Variants in EXOC3L2 observed in about 807,000 individuals in gnomAD.
EXOC3L2 encodes exocyst complex component 3 like 2.
EXOC3L2 carries 17 observed loss-of-function variants against 44.4 expected under a neutral mutation model. The ratio of observed to expected loss-of-function variants is 0.38; its 90% CI spans 0.26 to 0.57. EXOC3L2 has a LOEUF of 0.57. Among genes scored for constraint, EXOC3L2 ranks in the 20% least tolerant of loss-of-function variants. EXOC3L2 has a pLI of 0.65. For missense variants in EXOC3L2, 541 were observed against 588.4 expected, an observed-to-expected ratio of 0.92 and a Z score of 0.83; for synonymous variants, 256 against 253.7, an observed-to-expected ratio of 1.01 and a Z score of -0.09.
intron 7 of EXOC3L2, among the ~76,000 whole-genome samples, chr19:45,225,154 G>C (rs541384343): frequency 6.7e-6 from 1 of 149,914 alleles, no homozygotes; most frequent in Non-Finnish European, 1.5e-5. Context: ...GGGATGGCTA[G>C]GAGGTCTAGG....
intron 11 of EXOC3L2, among the ~76,000 whole-genome samples, chr19:45,214,340 G>GC (rs1969811006): frequency 6.6e-6 from 1 of 152,142 alleles, no homozygotes; most frequent in Admixed American, 6.6e-5. Flanking sequence ...GAATGTGTCT[G>GC]CCCAAATAGC....
chr19:45,220,095 C>T (rs569127127), intron 8 of EXOC3L2, among the ~76,000 whole-genome samples: 2 of 152,202 alleles, frequency 1.3e-5, no homozygotes, highest in Non-Finnish European at 2.9e-5. Flanking sequence ...ATCTCTTGAA[C>T]CTGGGAGGCG....
intron 1 of EXOC3L2, among the ~76,000 whole-genome samples, chr19:45,241,636 GCCT>G (rs1970132992): frequency 6.6e-6 from 1 of 152,238 alleles, no homozygotes; most frequent in African/African-American, 2.4e-5. Context: ...CTGTCCCGTA[GCCT>G]CCTCCTTACC....
rs933190598 is a variant in EXOC3L2 at position 45,224,870 on chromosome 19, C to T, written c.1627G>A (p.Glu543Lys). 4 of 1,575,462 alleles carry T rather than the reference C, an allele frequency of 2.5e-6. No homozygotes were observed. The highest frequency in any genetic ancestry group is 2.3e-5 in the East Asian group (1 of 43,514). Residue 543 changes from glutamate to lysine, a missense_variant, in exon 8 of 12, where the codon GAG becomes AAG. Physicochemically the swap from Glu to Lys is moderately conservative, Grantham distance 56. Transcript: ENST00000413988. ...RLARVGPPES[E>K]PAREASASAL... ...CTAGCAGATGCTTCCCGGGCCGGCT[C>T]GCTTTCTGGGGGCCCCACCCGGGCC...
intron 10 of EXOC3L2, 143 bp downstream of exon 10, chr19:45,217,385 C>T: frequency 9.6e-7 from 1 of 1,039,138 alleles, no homozygotes; most frequent in Non-Finnish European, 1.3e-6. Context: ...GTCAAAGTTA[C>T]TGGTTGCTAT....
chr19:45,224,807 C>A lies in EXOC3L2; in HGVS notation c.1690G>T (p.Val564Leu). The stretch of plus-strand genomic sequence containing the variant: ...AGCTCCTGGAACAGCAGGTTGGCCA[C>A]GACACGGTGGCAGAGCCGGGTCACA... ...DHVTRLCHRV[V>L]ANLLFQELQP... Residue 564 changes from valine to leucine, a missense_variant, in exon 8 of 12, where the codon GTG becomes TTG. Transcript: ENST00000413988. The A allele has an allele frequency of 6.4e-7, 1 of 1,567,882 alleles. No individual in the cohort carries two copies. Among genetic ancestry groups the A allele is most frequent in the Non-Finnish European group, 8.6e-7 (1 of 1,156,232 alleles).
At chr19:45,227,276 C>T (rs1371050608) in intron 7 of EXOC3L2, among the ~76,000 whole-genome samples, 2 of 144,302 alleles carry the variant, frequency 1.4e-5, no homozygotes, top group African/African-American at 2.9e-5. Flanking sequence ...CGCCACCATG[C>T]CCGGCTAATT....
rs747209872 is a variant in EXOC3L2 at position 45,228,210 on chromosome 19, C to G, written c.1326G>C (p.Gly442=). ...GGCTGCTGGGCTGGTCCTCCAGGCT[C>G]CCCCAGTGCTCTTCGTCCTCCTGCA... ...RVLQEDEEHW[G]SLEDQPSSLA... Residue 442 remains glycine (G), a synonymous_variant, in exon 5 of 12, where the codon GGG becomes GGC. Coordinates refer to ENST00000413988, the MANE Select transcript of EXOC3L2 (RefSeq NM_001382422.1). 2 of 1,614,132 alleles carry G rather than the reference C, an allele frequency of 1.2e-6. No homozygotes were observed. Among genetic ancestry groups the G allele is most frequent in the Non-Finnish European group, 1.7e-6 (2 of 1,180,024 alleles).
At chr19:45,239,686 A>T (rs1368664402) in intron 1 of EXOC3L2, among the ~76,000 whole-genome samples, 1 of 151,620 alleles carries the variant, frequency 6.6e-6, no homozygotes, top group Non-Finnish European at 1.5e-5. Flanking sequence ...ACACAAGGCT[A>T]AGTTTTATAT....
intron 8 of EXOC3L2, among the ~76,000 whole-genome samples, chr19:45,221,747 A>C (rs1421713606): frequency 2.7e-5 from 4 of 150,094 alleles, no homozygotes; most frequent in Non-Finnish European, 5.9e-5. Flanking sequence ...TCCTGGGATC[A>C]AGCGATCCTC....
At chr19:45,217,775 C>G (rs993890503) in intron 9 of EXOC3L2, 92 bp from the exon 10 acceptor site, 1 of 1,350,570 alleles carries the variant, frequency 7.4e-7, no homozygotes, top group East Asian at 2.9e-5. Context: ...CCCCACTCGC[C>G]CACATCCACT....
chr19:45,234,942 G>A lies in EXOC3L2; in HGVS notation c.524-116C>T. 2.6e-6 allele frequency: 1 copy of A among 378,084 alleles called. No individual in the cohort carries two copies. Among genetic ancestry groups the A allele is most frequent in the Non-Finnish European group, 4.7e-6 (1 of 212,754 alleles). The allele number at this position is 378,084 out of a possible 1,614,324, so 23.4% of individuals were successfully genotyped here. A position where few individuals can be genotyped will look rare whatever the true frequency, so the allele number is the denominator to read the frequency against. On this transcript the variant is annotated intron_variant, in intron 2 of 11. Coordinates refer to ENST00000413988, the MANE Select transcript of EXOC3L2 (RefSeq NM_001382422.1). This position sits in a 1 kb window ranked among gnomAD's most constrained non-coding sequence, Gnocchi z 5.0. The stretch of plus-strand genomic sequence containing the variant: ...GATGAGGGGAAAAGGGTTACAGGAG[G>A]CGGGAAAGTGTGGGGGCAGAGAAGA...
At chr19:45,215,305 G>A (rs1467050245) in intron 11 of EXOC3L2, among the ~76,000 whole-genome samples, 3 of 151,992 alleles carry the variant, frequency 2.0e-5, no homozygotes, top group African/African-American at 7.2e-5. Flanking sequence ...ACCCATCTCT[G>A]CAAAAAATAC....
At chr19:45,228,770 TCA>T (rs922820038) in intron 4 of EXOC3L2, among the ~76,000 whole-genome samples, 5 of 151,088 alleles carry the variant, frequency 3.3e-5, no homozygotes, top group African/African-American at 1.2e-4. Flanking sequence ...AGACTCCAAC[TCA>T]AAAATAAAAA....
At chr19:45,219,935 G>A (rs1216878116) in intron 8 of EXOC3L2, among the ~76,000 whole-genome samples, 1 of 152,092 alleles carries the variant, frequency 6.6e-6, no homozygotes, top group Non-Finnish European at 1.5e-5. Flanking sequence ...ACTTTGGGAG[G>A]CTGAGGTGGG....
intron 1 of EXOC3L2, among the ~76,000 whole-genome samples, chr19:45,243,228 T>C (rs1415256638): frequency 6.6e-6 from 1 of 152,246 alleles, no homozygotes; most frequent in Non-Finnish European, 1.5e-5. Flanking sequence ...AAGGGTCAGA[T>C]GTTCACTTGT....
At chr19:45,221,980 G>A (rs1969903373) in intron 8 of EXOC3L2, among the ~76,000 whole-genome samples, 1 of 151,076 alleles carries the variant, frequency 6.6e-6, no homozygotes, top group African/African-American at 2.4e-5. Context: ...CAAAAATGGA[G>A]CAAGGCATGA....
chr19:45,233,845 G>C (rs1970054851), intron 3 of EXOC3L2, among the ~76,000 whole-genome samples: 1 of 152,162 alleles, frequency 6.6e-6, no homozygotes, highest in Middle Eastern at 3.2e-3. Flanking sequence ...TCTAGGACTA[G>C]AGGAATCAAT....
At position 45,228,273 on chromosome 19, in the gene EXOC3L2, T is replaced by G. The variant is rs114777882; in HGVS notation, c.1270-7A>C. 6.2e-7 allele frequency: 1 copy of G among 1,613,500 alleles called. No homozygotes were observed. The highest frequency in any genetic ancestry group is 1.1e-5 in the South Asian group (1 of 91,020). On this transcript the variant is annotated splice_polypyrimidine_tract_variant and splice_region_variant and intron_variant, in intron 4 of 11. Transcript: ENST00000413988. ...GGGCAGCCCGGGTCTGAGCCTACAG[T>G]AGGGAGAGGGGAGACAGGCAGGAGT...
Sources: gnomAD v4.1 joint callset for allele counts (sites outside exome capture counted in the v4.1 genomes callset) on GRCh38, gnomAD v4.1.1 for gene constraint, Gnocchi (gnomAD v3.1) non-coding constraint, MANE v1.5 for transcripts, NCBI Gene and HGNC (gene_info 2026-07-23, HGNC 2026-07-21) for gene names.